SRGAP3: variants seen among roughly 807,000 people sequenced by gnomAD.
The protein encoded by SRGAP3 is SLIT-ROBO Rho GTPase-activating protein 3.
SRGAP3 carries 39 observed loss-of-function variants against 121.1 expected under a neutral mutation model. The observed-to-expected ratio is 0.32, with a 90% CI of 0.25 to 0.42. SRGAP3 has a LOEUF of 0.42. SRGAP3 is among the 10% of genes least tolerant of loss of function. The probability of loss-of-function intolerance (pLI) is 1.00; values close to 1 mark genes in which losing one functional copy is unlikely to be tolerated. For missense variants in SRGAP3, 1,213 were observed against 1,470.6 expected (o/e 0.82, Z 2.86); for synonymous variants, 601 against 570.0 (o/e 1.05, Z -0.77).
chr3:9,028,113 C>T (rs762200157), intron 12 of SRGAP3: 34 of 1,613,990 alleles, frequency 2.1e-5, no homozygotes, highest in Admixed American at 3.3e-5. Context: ...GTTCCTGGTT[C>T]GAGCATTTCT....
At chr3:9,279,488 G>A (rs1404017566) in intron 3 of SRGAP3, among the ~76,000 whole-genome samples, 1 of 151,770 alleles carries the variant, frequency 6.6e-6, no homozygotes, top group Non-Finnish European at 1.5e-5. Flanking sequence ...CAGTCCAACG[G>A]GAAGCAAAAC....
intron 3 of SRGAP3, among the ~76,000 whole-genome samples, chr3:9,323,160 G>A (rs1198640025): frequency 2.0e-5 from 3 of 152,030 alleles, no homozygotes; most frequent in East Asian, 3.9e-4. Context: ...ATTCATAGTT[G>A]CCAGAGGTGG....
intron 3 of SRGAP3, among the ~76,000 whole-genome samples, chr3:9,264,027 C>T (rs982039917): frequency 6.6e-6 from 1 of 152,212 alleles, no homozygotes; most frequent in Non-Finnish European, 1.5e-5. Context: ...CCACCACAAT[C>T]AAGATGGCTT....
At chr3:9,248,792 G>T in intron 1 of SRGAP3, 93 bp downstream of exon 1, 1 of 1,274,560 alleles carries the variant, frequency 7.8e-7, no homozygotes, top group Non-Finnish European at 1.1e-6. Flanking sequence ...CATAATGGCA[G>T]AGAGGAAAAC....
chr3:9,348,355 A>G (rs550335954), intron 1 of SRGAP3: 2 of 454,306 alleles, frequency 4.4e-6, no homozygotes, highest in East Asian at 4.5e-5. Flanking sequence ...AAAGGGAGAA[A>G]GACTAAAAGT....
intron 14 of SRGAP3, among the ~76,000 whole-genome samples, chr3:9,016,643 C>T (rs559278952): frequency 5.9e-5 from 9 of 152,274 alleles, no homozygotes; most frequent in African/African-American, 2.2e-4. Context: ...TGAAATGATA[C>T]TCGAAGTGTC....
chr3:9,066,097 C>A (rs985606259), intron 4 of SRGAP3, among the ~76,000 whole-genome samples: 22 of 152,176 alleles, frequency 1.4e-4, no homozygotes, highest in African/African-American at 5.3e-4. Context: ...CCACACCCAG[C>A]CCTTAATGAA....
At chr3:9,061,634 G>A (rs1368304375) in intron 5 of SRGAP3, among the ~76,000 whole-genome samples, 3 of 152,176 alleles carry the variant, frequency 2.0e-5, no homozygotes, top group Non-Finnish European at 4.4e-5. Flanking sequence ...AATAAGTGGG[G>A]TTAGGGACTT....
chr3:9,361,760 A>T lies in SRGAP3; in HGVS notation n.214+1080T>A, dbSNP rs2030854860. Among the ~76,000 whole-genome samples the T allele has an allele frequency of 2.0e-5, 3 of 152,210 alleles. No homozygotes were observed. The South Asian group carries it at 6.2e-4, about 32-fold the overall frequency. The stretch of plus-strand genomic sequence containing the variant: ...GCTGACCCTCCCATTTGCAGTTTCA[A>T]TAGAACAACCGACTAGCATTCCTTC... On this transcript the variant is annotated intron_variant and non_coding_transcript_variant, in intron 1 of 3. Coordinates refer to the SRGAP3 transcript ENST00000490889.
chr3:9,178,820 C>T (rs1489346822), intron 1 of SRGAP3, among the ~76,000 whole-genome samples: 1 of 152,182 alleles, frequency 6.6e-6, no homozygotes, highest in East Asian at 1.9e-4. Flanking sequence ...AGGGCAGGAT[C>T]TTTGTTCCGC....
intron 9 of SRGAP3, among the ~76,000 whole-genome samples, chr3:9,048,694 G>A (rs1945407869): frequency 6.6e-6 from 1 of 152,110 alleles, no homozygotes; most frequent in African/African-American, 2.4e-5. Context: ...GCCTGGGGGT[G>A]TGTGCTGTGG....
chr3:9,183,655 C>T (rs1157343235), intron 1 of SRGAP3, among the ~76,000 whole-genome samples: 3 of 152,038 alleles, frequency 2.0e-5, no homozygotes, highest in Non-Finnish European at 2.9e-5. Context: ...GCATGCATTG[C>T]TTTTATAATT....
intron 20 of SRGAP3, 84 bp downstream of exon 20, chr3:8,992,822 C>T (rs1942139312): frequency 6.2e-7 from 1 of 1,610,632 alleles, no homozygotes; most frequent in East Asian, 2.2e-5. Context: ...GGCTCCTTCT[C>T]TCCTCTCTGC....
intron 1 of SRGAP3, chr3:9,355,756 A>G (rs552926111): frequency 6.6e-6 from 1 of 152,336 alleles, no homozygotes; most frequent in African/African-American, 2.4e-5. Context: ...TGTTTCTTCC[A>G]TTAGAACACA....
chr3:9,302,994 T>A (rs1306648480), intron 3 of SRGAP3, among the ~76,000 whole-genome samples: 3 of 152,158 alleles, frequency 2.0e-5, no homozygotes, highest in African/African-American at 7.2e-5. Context: ...TATAAACCAA[T>A]GTAGATGATA....
intron 3 of SRGAP3, among the ~76,000 whole-genome samples, chr3:9,267,921 G>T (rs1954397671): frequency 6.7e-6 from 1 of 150,288 alleles, no homozygotes; most frequent in African/African-American, 2.4e-5. Context: ...CTCTAAGATA[G>T]CTACAGCTAT....
intron 1 of SRGAP3, among the ~76,000 whole-genome samples, chr3:9,163,928 C>T (rs935243428): frequency 6.6e-6 from 1 of 151,562 alleles, no homozygotes; most frequent in Non-Finnish European, 1.5e-5. Context: ...CTATTCCAGG[C>T]ACCGTATGAA....
intron 4 of SRGAP3, among the ~76,000 whole-genome samples, chr3:9,074,499 A>C (rs1278042454): frequency 6.6e-6 from 1 of 152,134 alleles, no homozygotes; most frequent in African/African-American, 2.4e-5. Flanking sequence ...ACACTGGGGG[A>C]ACTTAAAAAG....
At chr3:9,303,930 G>A (rs1167486288) in intron 3 of SRGAP3, among the ~76,000 whole-genome samples, 1 of 152,158 alleles carries the variant, frequency 6.6e-6, no homozygotes, top group Non-Finnish European at 1.5e-5. Flanking sequence ...GGGTCCCCAT[G>A]CCCTTGAGTG....
Sources: gnomAD v4.1 joint callset for allele counts (sites outside exome capture counted in the v4.1 genomes callset) on GRCh38, gnomAD v4.1.1 for gene constraint, MANE v1.5 for transcripts, NCBI Gene and HGNC (gene_info 2026-07-23, HGNC 2026-07-21) for gene names.